THSD7B: variants seen among roughly 807,000 people sequenced by gnomAD.
THSD7B encodes the protein thrombospondin type 1 domain containing 7B.
Under a neutral mutation model 213.6 loss-of-function variants are expected in THSD7B, and 138 were observed. The observed-to-expected ratio is 0.65, with a 90% confidence interval of 0.56 to 0.74. The LOEUF is 0.74. Among genes scored for constraint, THSD7B ranks in the 30% least tolerant of loss-of-function variants. The pLI is 0.00. For missense variants in THSD7B, 1,931 were observed against 1,991.5 expected, an observed-to-expected ratio of 0.97 and a Z score of 0.58; for synonymous variants, 742 against 687.0, an observed-to-expected ratio of 1.08 and a Z score of -1.25.
At position 137,292,490 on chromosome 2, in the gene THSD7B, T is replaced by A. The variant is rs1197276483; in HGVS notation, c.2500+16464T>A. Among the ~76,000 whole-genome samples the A allele has an allele frequency of 1.3e-5, 2 of 152,134 alleles. 1 individual carries two copies. Among genetic ancestry groups the A allele is most frequent in the African/African-American group, 4.8e-5 (2 of 41,450 alleles). On this transcript the variant is annotated intron_variant, in intron 12 of 27. Coordinates refer to ENST00000409968, the MANE Select transcript of THSD7B (RefSeq NM_001316349.2). ...GCCCTTGGAAGCCTAGGTTTTGGAATGACATGTATGGCATAATTATATTTC... is the reference window on the plus strand; with the variant it reads ...GCCCTTGGAAGCCTAGGTTTTGGAAAGACATGTATGGCATAATTATATTTC...
rs1263624958 is a variant in THSD7B at position 137,394,320 on chromosome 2, T to C, written c.2501-11293T>C. On this transcript the variant is annotated intron_variant, in intron 12 of 27. Coordinates refer to ENST00000409968, the MANE Select transcript of THSD7B (RefSeq NM_001316349.2). ...GTCTAAGGTTTAAGGCTTTAATCCA[T>C]CTTGAATTGATTTTTGTATAAGGTG... Among the ~76,000 whole-genome samples the C allele has an allele frequency of 1.6e-5, 2 of 126,946 alleles. 1 individual carries two copies. Among genetic ancestry groups the C allele is most frequent in the Non-Finnish European group, 3.5e-5 (2 of 57,746 alleles). 83.3% of individuals were successfully genotyped at this position (126,946 alleles called of 152,430 possible).
At chr2:137,577,006 T>C (rs758335977) in intron 17 of THSD7B, among the ~76,000 whole-genome samples, 4 of 152,268 alleles carry the variant, frequency 2.6e-5, no homozygotes, top group Middle Eastern at 6.8e-3. Flanking sequence ...ATCACGCAGA[T>C]GGCAACCTGT....
rs1389485050 is a variant in THSD7B, at chr2:137,677,055, G to A, written c.*450G>A. ...TATTCTTCCCATACTTCAACACTGA[G>A]TTTTCTAGAGTTTACTTTGGTTTAA... On this transcript the variant is annotated 3_prime_UTR_variant, in exon 28 of 28. Coordinates refer to ENST00000409968, the MANE Select transcript of THSD7B (RefSeq NM_001316349.2). 6.5e-6 allele frequency: 1 copy of A among 152,914 alleles called. No homozygotes were observed. The highest frequency in any genetic ancestry group is 1.5e-5 in the Non-Finnish European group (1 of 68,256). The allele number at this position is 152,914 out of a possible 1,614,324, so 9.5% of individuals were successfully genotyped here.
intron 15 of THSD7B, among the ~76,000 whole-genome samples, chr2:137,521,473 T>C (rs749132490): frequency 1.3e-5 from 2 of 152,054 alleles, no homozygotes; most frequent in Non-Finnish European, 2.9e-5. Flanking sequence ...AAAAAGCCCA[T>C]AGGAAGGAAA....
intron 12 of THSD7B, among the ~76,000 whole-genome samples, chr2:137,332,407 C>T (rs898420891): frequency 1.3e-5 from 2 of 152,160 alleles, no homozygotes; most frequent in African/African-American, 4.8e-5. Flanking sequence ...TACTCAAAGC[C>T]TGTACCTGCA....
intron 1 of THSD7B, among the ~76,000 whole-genome samples, chr2:136,859,083 C>T (rs1466506118): frequency 6.6e-6 from 1 of 152,156 alleles, no homozygotes; most frequent in Non-Finnish European, 1.5e-5. Flanking sequence ...CTAATGTCCT[C>T]TAGGATTAGT....
chr2:136,926,412 G>A (rs1684525925), intron 2 of THSD7B, among the ~76,000 whole-genome samples: 1 of 151,852 alleles, frequency 6.6e-6, no homozygotes, highest in Non-Finnish European at 1.5e-5. Flanking sequence ...AAAAAAAATT[G>A]GCCAGTGCAG....
At chr2:137,291,915 TTC>T (rs1297597881) in intron 12 of THSD7B, among the ~76,000 whole-genome samples, 1 of 152,090 alleles carries the variant, frequency 6.6e-6, no homozygotes, top group Non-Finnish European at 1.5e-5. Flanking sequence ...TGGCTTCTCT[TTC>T]TGTTTCTTTA....
intron 2 of THSD7B, among the ~76,000 whole-genome samples, chr2:136,892,611 C>T (rs1045609592): frequency 6.6e-6 from 1 of 151,764 alleles, no homozygotes; most frequent in African/African-American, 2.4e-5. Context: ...CTCAAATTGC[C>T]TTCCACGTTG....
chr2:137,659,297 A>G (rs1365642369), intron 24 of THSD7B, among the ~76,000 whole-genome samples: 1 of 152,190 alleles, frequency 6.6e-6, no homozygotes, highest in Non-Finnish European at 1.5e-5. Flanking sequence ...AGCAGTATAT[A>G]TGTAGAAGGA....
At chr2:137,472,964 A>G (rs1688121459) in intron 15 of THSD7B, among the ~76,000 whole-genome samples, 1 of 152,174 alleles carries the variant, frequency 6.6e-6, no homozygotes, top group South Asian at 2.1e-4. Flanking sequence ...ATATCACCAC[A>G]GATATTATTT....
At chr2:137,107,579 T>C (rs1688279439) in intron 4 of THSD7B, among the ~76,000 whole-genome samples, 1 of 152,192 alleles carries the variant, frequency 6.6e-6, no homozygotes, top group South Asian at 2.1e-4. Context: ...ATTCTCCAGG[T>C]ACTGTTTTAG....
intron 12 of THSD7B, among the ~76,000 whole-genome samples, chr2:137,372,332 T>C (rs1349433570): frequency 7.5e-6 from 1 of 133,180 alleles, no homozygotes; most frequent in Non-Finnish European, 1.5e-5. Context: ...TCTTTTTTTT[T>C]TTTTTTTTTT....
chr2:137,381,046 C>T (rs1460818154), intron 12 of THSD7B, among the ~76,000 whole-genome samples: 1 of 152,214 alleles, frequency 6.6e-6, no homozygotes, highest in Admixed American at 6.5e-5. Context: ...CTACCTGACA[C>T]TCACCCTTTG....
chr2:137,364,226 G>A (rs1402222135), intron 12 of THSD7B, among the ~76,000 whole-genome samples: 1 of 152,130 alleles, frequency 6.6e-6, no homozygotes, highest in Non-Finnish European at 1.5e-5. Flanking sequence ...AATAAACTAG[G>A]TATTGATGGG....
intron 16 of THSD7B, 109 bp downstream of exon 16, chr2:137,563,463 T>C: frequency 1.5e-6 from 2 of 1,370,354 alleles, no homozygotes; most frequent in East Asian, 4.9e-5. Context: ...TCATAACATA[T>C]ACTCTGGTTT....
chr2:137,610,464 C>A (rs1409713848), intron 17 of THSD7B, among the ~76,000 whole-genome samples: 4 of 152,112 alleles, frequency 2.6e-5, no homozygotes, highest in Admixed American at 2.6e-4. Flanking sequence ...TGCTGGAGTA[C>A]CCCCTTCGGT....
In THSD7B at chr2:137,457,481, G is replaced by A. The variant is rs1444877359; in HGVS notation, c.3138+6458G>A. On this transcript the variant is annotated intron_variant, in intron 15 of 27. Coordinates refer to ENST00000409968, the MANE Select transcript of THSD7B (RefSeq NM_001316349.2). ...CAAATTTTGTCTAATTTTGCCATTGGGAGTCTTTCACTGTCCTCCCACATC... is the reference window on the plus strand; with the variant it reads ...CAAATTTTGTCTAATTTTGCCATTGAGAGTCTTTCACTGTCCTCCCACATC... 2.0e-5 allele frequency among the ~76,000 whole-genome samples: 3 copies of A among 152,062 alleles called. No homozygotes were observed. In the East Asian group the frequency reaches 5.8e-4, roughly 29 times the overall value.
intron 24 of THSD7B, among the ~76,000 whole-genome samples, chr2:137,658,735 A>C (rs1454100308): frequency 6.6e-6 from 1 of 152,182 alleles, no homozygotes; most frequent in Non-Finnish European, 1.5e-5. Context: ...GTTATTTTTC[A>C]AGTCACAGTG....
Sources: allele counts gnomAD v4.1 joint callset (sites outside exome capture counted in the v4.1 genomes callset), GRCh38; gene constraint gnomAD v4.1.1; transcripts MANE v1.5; gene names NCBI Gene and HGNC (gene_info 2026-07-23, HGNC 2026-07-21).